GIPC2: variants seen among roughly 807,000 people sequenced by gnomAD.
GIPC2 encodes the protein GIPC PDZ domain containing family member 2, also known as PDZ domain-containing protein GIPC2.
A neutral mutation model predicts 30.6 loss-of-function variants in GIPC2; 30 were observed. The ratio of observed to expected loss-of-function variants is 0.98; its 90% CI spans 0.73 to 1.33. GIPC2 has a LOEUF of 1.33. Among genes scored for constraint, GIPC2 ranks in the 40% most tolerant of loss-of-function variants. The pLI is 0.00. For missense variants in GIPC2, 414 were observed against 390.3 expected (o/e 1.06, Z -0.51); for synonymous variants, 167 against 150.0 (o/e 1.11, Z -0.83).
chr1:78,109,451 T>C (rs1662421258), intron 3 of GIPC2, among the ~76,000 whole-genome samples: 1 of 152,220 alleles, frequency 6.6e-6, no homozygotes, highest in Non-Finnish European at 1.5e-5. Context: ...GTTTCTAGGG[T>C]GGACCTGCCT....
chr1:78,117,687 C>T (rs1250397441), intron 3 of GIPC2, among the ~76,000 whole-genome samples: 1 of 152,100 alleles, frequency 6.6e-6, no homozygotes, highest in Non-Finnish European at 1.5e-5. Context: ...TACTTCAGTG[C>T]AGCATCCCCT....
intron 1 of GIPC2, among the ~76,000 whole-genome samples, chr1:78,067,026 T>G (rs184746621): frequency 6.6e-6 from 1 of 152,290 alleles, no homozygotes; most frequent in Admixed American, 6.5e-5. Flanking sequence ...CCCCGAACTT[T>G]AAATGAAAAA....
Position 78,080,262 on chromosome 1 carries a change from C to T in GIPC2, c.241-413C>T, listed in dbSNP as rs181438639. ...CATTATAAAATGTCAGGTCCCTTGG[C>T]AGAAACCACTTTAAAATGGGTGAGA... On this transcript the variant is annotated intron_variant, in intron 1 of 5. Transcript: ENST00000370759. Among the ~76,000 whole-genome samples, 97 of 152,238 alleles carry T rather than the reference C, an allele frequency of 6.4e-4. No homozygotes were observed. In the Middle Eastern group the frequency reaches 0.01, roughly 16 times the overall value.
At chr1:78,106,542 A>G (rs1662357057) in intron 3 of GIPC2, among the ~76,000 whole-genome samples, 1 of 152,186 alleles carries the variant, frequency 6.6e-6, no homozygotes, top group African/African-American at 2.4e-5. Flanking sequence ...CCTGGGCAAC[A>G]GAGCAAGACT....
chr1:78,048,734 T>C (rs74342526), intron 1 of GIPC2, among the ~76,000 whole-genome samples: 3,109 of 152,124 alleles, frequency 0.02, 73 homozygotes, highest in East Asian at 0.12. Flanking sequence ...TTTTTTTTCC[T>C]CCCATGAAGC....
At chr1:78,091,465 T>C (rs1446799557) in intron 2 of GIPC2, 3 of 630,506 alleles carry the variant, frequency 4.8e-6, no homozygotes, top group Non-Finnish European at 8.7e-6. Flanking sequence ...GGTGGCTGGC[T>C]CTACCTTCCC....
At chr1:78,097,844 C>G (rs545673270) in intron 3 of GIPC2, among the ~76,000 whole-genome samples, 16 of 152,218 alleles carry the variant, frequency 1.1e-4, no homozygotes, top group African/African-American at 3.1e-4. Context: ...TGACTCTTGG[C>G]AATTATTTTC....
At position 78,135,781 on chromosome 1, in the gene GIPC2, CT is replaced by C. The variant is rs3838409; in HGVS notation, c.*46del. On this transcript the variant is annotated 3_prime_UTR_variant, in exon 6 of 6. Transcript: ENST00000370759. Reference sequence around the variant, plus strand: ...ATCTCTGAAGAAACAACCCATCGTTCTTTTTTTTCTCTTTTTTAAAAAGTCC... The same window carrying C: ...ATCTCTGAAGAAACAACCCATCGTTCTTTTTTTCTCTTTTTTAAAAAGTCC... 1.0e-5 allele frequency: 16 copies of C among 1,539,454 alleles called. No homozygotes were observed. In the Admixed American group the frequency reaches 1.3e-4, roughly 12 times the overall value.
chr1:78,123,431 G>A (rs183683932), intron 4 of GIPC2, among the ~76,000 whole-genome samples: 1 of 152,052 alleles, frequency 6.6e-6, no homozygotes, highest in Non-Finnish European at 1.5e-5. Flanking sequence ...TGGTTAGGTA[G>A]GGGTGATGAG....
At chr1:78,107,252 C>A (rs200198596) in intron 3 of GIPC2, among the ~76,000 whole-genome samples, 1 of 150,938 alleles carries the variant, frequency 6.6e-6, no homozygotes, top group East Asian at 2.0e-4. Flanking sequence ...CTCAAAAGAT[C>A]CTCCCACTTC....
At chr1:78,125,087 G>A (rs973252047) in intron 4 of GIPC2, among the ~76,000 whole-genome samples, 36 of 152,202 alleles carry the variant, frequency 2.4e-4, no homozygotes, top group African/African-American at 8.0e-4. Flanking sequence ...TTGGAGGGCA[G>A]TGGCAGAATT....
intron 1 of GIPC2, among the ~76,000 whole-genome samples, chr1:78,049,187 T>A (rs6424666): frequency 0.96 from 146,257 of 152,274 alleles, 70,366 homozygotes; most frequent in East Asian, 1. Flanking sequence ...TTTGAGATGG[T>A]GTCTTGTTCT....
intron 2 of GIPC2, chr1:78,091,761 T>G: frequency 1.3e-6 from 1 of 776,548 alleles, no homozygotes; most frequent in South Asian, 1.3e-5. Context: ...AAGCACAAAG[T>G]AGCACAGAAG....
rs561483943 is a variant in GIPC2 at position 78,106,341 on chromosome 1, C to G, written c.607+11209C>G. 7.9e-5 allele frequency among the ~76,000 whole-genome samples: 12 copies of G among 151,832 alleles called. No individual in the cohort carries two copies. In the East Asian group the frequency reaches 2.3e-3, roughly 29 times the overall value. On this transcript the variant is annotated intron_variant, in intron 3 of 5. Transcript: ENST00000370759. ...TTGGGAGGCCGAGATGGGCGGATCACGAGGTCAGGAGATTGAGACCATCCT... is the reference window on the plus strand; with the variant it reads ...TTGGGAGGCCGAGATGGGCGGATCAGGAGGTCAGGAGATTGAGACCATCCT...
At chr1:78,049,237 C>T (rs1294189664) in intron 1 of GIPC2, among the ~76,000 whole-genome samples, 2 of 152,194 alleles carry the variant, frequency 1.3e-5, no homozygotes, top group African/African-American at 4.8e-5. Flanking sequence ...TCTTGGCTGA[C>T]TGAAACCTCC....
At chr1:78,046,389 G>T in intron 1 of GIPC2, 55 bp downstream of exon 1, 1 of 1,485,346 alleles carries the variant, frequency 6.7e-7, no homozygotes, top group South Asian at 1.2e-5. Context: ...GCGCCGCGCC[G>T]CGCGTATTTC....
chr1:78,097,193 GT>G (rs1662153712), intron 3 of GIPC2, among the ~76,000 whole-genome samples: 1 of 152,116 alleles, frequency 6.6e-6, no homozygotes, highest in East Asian at 1.9e-4. Context: ...CTTTTGCTAT[GT>G]TTCCTTTCTT....
intron 1 of GIPC2, among the ~76,000 whole-genome samples, chr1:78,046,803 C>T (rs528644072): frequency 1.7e-4 from 23 of 139,264 alleles, no homozygotes; most frequent in Non-Finnish European, 3.4e-4. Context: ...AATAGAAGTG[C>T]CTTGCAGGTG....
intron 3 of GIPC2, among the ~76,000 whole-genome samples, chr1:78,113,826 T>G (rs1662518136): frequency 6.6e-6 from 1 of 151,958 alleles, no homozygotes; most frequent in Non-Finnish European, 1.5e-5. Flanking sequence ...GCCAAAAATA[T>G]TTTTTCTAAT....
Sources: gnomAD v4.1 joint callset for allele counts (sites outside exome capture counted in the v4.1 genomes callset) on GRCh38, gnomAD v4.1.1 for gene constraint, MANE v1.5 for transcripts, NCBI Gene and HGNC (gene_info 2026-07-23, HGNC 2026-07-21) for gene names.